Variants in DST observed in about 807,000 individuals in gnomAD.
The protein encoded by DST is bullous pemphigoid antigen.
DST carries 253 observed loss-of-function variants against 875.2 expected under a neutral mutation model. The ratio of observed to expected loss-of-function variants is 0.29; its 90% CI spans 0.26 to 0.32. The LOEUF is 0.32. Among genes scored for constraint, DST ranks in the 10% least tolerant of loss-of-function variants. The pLI, the probability that DST is intolerant of heterozygous loss-of-function variation, is 1.00. For synonymous variants in DST, 3,124 were observed against 3,197.1 expected (o/e 0.98, Z 0.77); for missense variants, 8,287 against 9,111.6 (o/e 0.91, Z 3.68).
intron 4 of DST, among the ~76,000 whole-genome samples, chr6:56,820,934 C>A (rs1324501707): frequency 1.3e-5 from 2 of 152,194 alleles, no homozygotes; most frequent in Non-Finnish European, 2.9e-5. Flanking sequence ...GGACCACATA[C>A]CTTTGCCTAC....
At chr6:56,692,256 C>T (rs577813251) in intron 9 of DST, 26 of 422,438 alleles carry the variant, frequency 6.2e-5, no homozygotes, top group East Asian at 1.6e-4. Flanking sequence ...ACTAACAAAA[C>T]GCAACAGAAA....
At chr6:56,735,751 T>TA (rs2099520949) in intron 4 of DST, among the ~76,000 whole-genome samples, 1 of 152,274 alleles carries the variant, frequency 6.6e-6, no homozygotes, top group African/African-American at 2.4e-5. Context: ...GCAAATAGTT[T>TA]AAAGTCTTGA....
intron 90 of DST, among the ~76,000 whole-genome samples, chr6:56,481,354 A>C (rs1034456904): frequency 3.9e-5 from 6 of 152,220 alleles, no homozygotes; most frequent in African/African-American, 1.2e-4. Context: ...AGGTTAAAAA[A>C]CATTTGTTAA....
rs1230179371 is a variant in DST, at chr6:56,605,006, A to G, written c.9622T>C (p.Leu3208=). Residue 3208 remains leucine (L), a synonymous_variant, in exon 40 of 104, where the codon TTA becomes CTA. Coordinates refer to ENST00000680361, the MANE Select transcript of DST (RefSeq NM_001374736.1). ...TCTTTCATGGGAGGGGCAGTTATTA[A>G]AACATGGCTTGGGACATCTTCATTT... ...KPNEDVPSHV[L]ITAPPMKEHL... 3 of 1,613,030 alleles carry G rather than the reference A, an allele frequency of 1.9e-6. No homozygotes were observed. The South Asian group carries it at 3.3e-5, about 18-fold the overall frequency.
At position 56,631,400 on chromosome 6, in the gene DST, G is replaced by C. The variant is rs371499560; in HGVS notation, c.3964-11C>G. The C allele has an allele frequency of 1.9e-6, 3 of 1,612,376 alleles. No individual in the cohort carries two copies. The highest frequency in any genetic ancestry group is 2.5e-6 in the Non-Finnish European group (3 of 1,178,882). ...CTCTTTCTTTAGTTTCTATAAAACA[G>C]AGAACAAACAAAGGTATCAGGCCAT... is the stretch of plus-strand genomic sequence containing the variant. On this transcript the variant is annotated splice_polypyrimidine_tract_variant and intron_variant, in intron 29 of 103. Coordinates refer to ENST00000680361, the MANE Select transcript of DST (RefSeq NM_001374736.1).
rs138487047 is a variant in DST, at chr6:56,834,849, C to T, written c.625+16548G>A. ...ACCATACAATCTAGCAATCATACTC[C>T]TTTACACAAATGACTTGAAAACATG... On this transcript the variant is annotated intron_variant, in intron 4 of 103. Transcript: ENST00000680361. Among the ~76,000 whole-genome samples, 1,374 of 152,262 alleles carry T rather than the reference C, an allele frequency of 9.0e-3. 19 individuals carry two copies. Among genetic ancestry groups the T allele is most frequent in the African/African-American group, 0.03 (1,263 of 41,542 alleles).
intron 2 of DST, among the ~76,000 whole-genome samples, chr6:56,907,575 A>G (rs1796962576): frequency 6.6e-6 from 1 of 152,234 alleles, no homozygotes; most frequent in Non-Finnish European, 1.5e-5. Flanking sequence ...AGGTTTATCT[A>G]ACTCCAACCA....
Position 56,477,478 on chromosome 6 carries a change from T to C in DST, c.21542A>G (p.Lys7181Arg), listed in dbSNP as rs2095246502. ...TLIDQHKEFM[K>R]KLEEKRAELN... ...TTCAGCTCTCTTTTCTTCCAGTTTC[T>C]TCATGAATTCCTACAGCAGAAACAA... The change falls in exon 91 of 104, where the codon AAG becomes AGG. Residue 7181 changes from lysine to arginine, a missense_variant. Physicochemically the swap from Lys to Arg is conservative, Grantham distance 26. Around this residue, in one of 10 missense-constraint regions of DST, gnomAD observed 1,292 missense variants for 1,552.7 expected, o/e 0.83. Coordinates refer to ENST00000680361, the MANE Select transcript of DST (RefSeq NM_001374736.1). 1.2e-6 allele frequency: 2 copies of C among 1,613,850 alleles called. No individual in the cohort carries two copies. The highest frequency in any genetic ancestry group is 3.3e-5 in the Admixed American group (2 of 59,998).
At chr6:56,655,160 CAAA>C (rs11365303) in intron 10 of DST, among the ~76,000 whole-genome samples, 112 of 57,346 alleles carry the variant, frequency 2.0e-3, no homozygotes, top group African/African-American at 5.6e-3. Flanking sequence ...GACTTTGCCT[CAAA>C]AAAAAAAAAA....
chr6:56,804,480 G>T (rs2099750877), intron 4 of DST, among the ~76,000 whole-genome samples: 1 of 151,984 alleles, frequency 6.6e-6, no homozygotes, highest in Non-Finnish European at 1.5e-5. Flanking sequence ...ATATTATATT[G>T]CTTGCTCCAA....
intron 6 of DST, among the ~76,000 whole-genome samples, chr6:56,704,034 A>G (rs1344957645): frequency 1.3e-5 from 2 of 152,196 alleles, no homozygotes; most frequent in Non-Finnish European, 2.9e-5. Flanking sequence ...CAAGAACAAA[A>G]ATAGTATTTT....
At chr6:56,637,957 T>C (rs2098842208) in intron 22 of DST, among the ~76,000 whole-genome samples, 1 of 152,088 alleles carries the variant, frequency 6.6e-6, no homozygotes, top group African/African-American at 2.4e-5. Flanking sequence ...AAATTGGCTA[T>C]AAAAGATGTA....
intron 5 of DST, among the ~76,000 whole-genome samples, chr6:56,705,949 G>A (rs1472619039): frequency 6.6e-6 from 1 of 152,158 alleles, no homozygotes; most frequent in East Asian, 1.9e-4. Flanking sequence ...GTAAGACAAA[G>A]TTTAAAAATA....
chr6:56,639,454 T>C lies in DST; in HGVS notation c.2855A>G (p.His952Arg). The C allele has an allele frequency of 1.2e-6, 2 of 1,613,822 alleles. No homozygotes were observed. Among genetic ancestry groups the C allele is most frequent in the Non-Finnish European group, 1.7e-6 (2 of 1,179,902 alleles). The change falls in exon 21 of 104, where the codon CAT becomes CGT. Residue 952 changes from histidine to arginine, a missense_variant. His to Arg is a conservative substitution (Grantham distance 29). Transcript: ENST00000680361. ...AAGTACAAAGGGTGTACTTACAGCATGATAATCTTTTTTCCTAGCTATGTT... is the reference window on the plus strand; with the variant it reads ...AAGTACAAAGGGTGTACTTACAGCACGATAATCTTTTTTCCTAGCTATGTT... ...NTNIARKKDYHAELMRELDQK... is the reference protein window; with the variant it reads ...NTNIARKKDYRAELMRELDQK...
intron 34 of DST, among the ~76,000 whole-genome samples, chr6:56,625,737 T>TAA (rs557564533): frequency 0.064 from 8,926 of 140,278 alleles, 844 homozygotes; most frequent in African/African-American, 0.21. Context: ...CCTACTTATT[T>TAA]AAAAAAAAAA....
intron 2 of DST, among the ~76,000 whole-genome samples, chr6:56,948,764 T>C (rs1052638840): frequency 6.6e-6 from 1 of 152,204 alleles, no homozygotes; most frequent in East Asian, 1.9e-4. Flanking sequence ...ACCATTCCTT[T>C]TCTATACATA....
intron 2 of DST, among the ~76,000 whole-genome samples, chr6:56,937,180 A>C (rs570512905): frequency 1.3e-5 from 2 of 152,156 alleles, no homozygotes; most frequent in Non-Finnish European, 2.9e-5. Context: ...GATAAATTGG[A>C]CTTATTAAAA....
At chr6:56,793,059 A>T (rs2099731326) in intron 4 of DST, among the ~76,000 whole-genome samples, 1 of 110,232 alleles carries the variant, frequency 9.1e-6, no homozygotes, top group Admixed American at 1.2e-4. Flanking sequence ...ACAGAGTGAG[A>T]CCCTGTCTCA....
At chr6:56,692,584 G>C in intron 9 of DST, 1 of 1,289,662 alleles carries the variant, frequency 7.8e-7, no homozygotes, top group Non-Finnish European at 1.0e-6. Context: ...TATACCCGAG[G>C]GAATAGAGCT....
Sources: allele counts gnomAD v4.1 joint callset (sites outside exome capture counted in the v4.1 genomes callset), GRCh38; gene constraint gnomAD v4.1.1; regional missense constraint gnomAD v4.1.1; transcripts MANE v1.5; gene names NCBI Gene and HGNC (gene_info 2026-07-23, HGNC 2026-07-21).